Variants in PTPN4 observed in about 807,000 individuals in gnomAD.
The protein encoded by PTPN4 is protein tyrosine phosphatase non-receptor type 4, also known as tyrosine-protein phosphatase non-receptor type 4.
A neutral mutation model predicts 135.5 loss-of-function variants in PTPN4; 49 were observed. The observed-to-expected ratio is 0.36, with a 90% confidence interval of 0.29 to 0.46. The LOEUF (loss-of-function observed/expected upper bound fraction) is 0.46. PTPN4 is among the 20% of genes least tolerant of loss of function. PTPN4 has a pLI of 1.00. For synonymous variants in PTPN4, 333 were observed against 369.9 expected, an observed-to-expected ratio of 0.90 and a Z score of 1.14; for missense variants, 860 against 1,101.0, an observed-to-expected ratio of 0.78 and a Z score of 3.10.
intron 26 of PTPN4, among the ~76,000 whole-genome samples, chr2:119,968,577 G>A (rs1679478643): frequency 6.6e-6 from 1 of 152,156 alleles, no homozygotes; most frequent in Admixed American, 6.5e-5. Context: ...GGATCACGAG[G>A]TCAGGAGATC....
At chr2:119,773,939 A>G (rs1272128868) in intron 1 of PTPN4, among the ~76,000 whole-genome samples, 1 of 152,238 alleles carries the variant, frequency 6.6e-6, no homozygotes, top group Non-Finnish European at 1.5e-5. Flanking sequence ...ATGATGCAGT[A>G]TTAAATCAAC....
At chr2:119,939,441 C>T (rs1444694214) in intron 15 of PTPN4, among the ~76,000 whole-genome samples, 5 of 152,076 alleles carry the variant, frequency 3.3e-5, no homozygotes, top group African/African-American at 1.2e-4. Flanking sequence ...GCTGAGACTG[C>T]AGGAGCATGA....
chr2:119,823,665 C>T (rs144916625), intron 2 of PTPN4, among the ~76,000 whole-genome samples: 1 of 152,194 alleles, frequency 6.6e-6, no homozygotes, highest in African/African-American at 2.4e-5. Context: ...TTCCACAACT[C>T]AAATTCTGTG....
chr2:119,896,088 G>T (rs942856715), intron 9 of PTPN4, among the ~76,000 whole-genome samples: 2 of 152,172 alleles, frequency 1.3e-5, no homozygotes, highest in Non-Finnish European at 1.5e-5. Context: ...AGACAGGTAT[G>T]TATATCTTAC....
intron 19 of PTPN4, among the ~76,000 whole-genome samples, chr2:119,952,931 C>T (rs111537608): frequency 2.0e-5 from 3 of 152,230 alleles, no homozygotes; most frequent in South Asian, 2.1e-4. Flanking sequence ...ACTAAAAGTC[C>T]ATCTTTCTTC....
chr2:119,861,439 A>G (rs541473105), intron 2 of PTPN4, among the ~76,000 whole-genome samples: 1 of 152,348 alleles, frequency 6.6e-6, no homozygotes, highest in Admixed American at 6.5e-5. Context: ...TGTTGTATAT[A>G]AATGTAACGA....
chr2:119,951,913 T>C, intron 18 of PTPN4, 60 bp from the exon 19 acceptor site: 1 of 1,375,240 alleles, frequency 7.3e-7, no homozygotes, highest in Non-Finnish European at 9.7e-7. Flanking sequence ...AATAAATTCC[T>C]GTGCTCTACT....
intron 3 of PTPN4, among the ~76,000 whole-genome samples, chr2:119,862,998 A>G (rs1398659422): frequency 6.6e-6 from 1 of 152,116 alleles, no homozygotes; most frequent in Non-Finnish European, 1.5e-5. Flanking sequence ...AAGTAAAATT[A>G]GTTTTTTATT....
In PTPN4 at chr2:119,978,389, T is replaced by C. The variant is rs923835330; in HGVS notation, c.*1319T>C. ...GAAGAATGAAACATTATTGACTTAT[T>C]TCTAAGTGTAATAACTCAATAACTA... On this transcript the variant is annotated 3_prime_UTR_variant, in exon 27 of 27. Coordinates refer to ENST00000263708, the MANE Select transcript of PTPN4 (RefSeq NM_002830.4). The C allele has an allele frequency of 4.0e-5, 6 of 151,508 alleles. No individual in the cohort carries two copies. The highest frequency in any genetic ancestry group is 7.4e-5 in the Non-Finnish European group (5 of 67,912). The allele number at this position is 151,508 out of a possible 1,614,324, so 9.4% of individuals were successfully genotyped here. A position where few individuals can be genotyped will look rare whatever the true frequency, so the allele number is the denominator to read the frequency against.
At chr2:119,798,367 A>G (rs953581588) in intron 1 of PTPN4, among the ~76,000 whole-genome samples, 1 of 152,068 alleles carries the variant, frequency 6.6e-6, no homozygotes, top group Non-Finnish European at 1.5e-5. Flanking sequence ...GGGTTTCACC[A>G]TGTTGGCCAG....
intron 11 of PTPN4, among the ~76,000 whole-genome samples, chr2:119,919,413 A>G (rs1678704770): frequency 6.6e-6 from 1 of 152,246 alleles, no homozygotes; most frequent in Non-Finnish European, 1.5e-5. Flanking sequence ...CATTTAATTT[A>G]TGGCCTAGAA....
At chr2:119,905,125 A>G (rs1056384306) in intron 10 of PTPN4, among the ~76,000 whole-genome samples, 3 of 152,144 alleles carry the variant, frequency 2.0e-5, no homozygotes, top group Non-Finnish European at 4.4e-5. Context: ...AATTAGCAAA[A>G]TAACAAGAAT....
Position 119,885,827 on chromosome 2 carries a change from A to G in PTPN4, c.620A>G (p.Tyr207Cys). The G allele has an allele frequency of 6.2e-7, 1 of 1,603,608 alleles. No individual in the cohort carries two copies. The highest frequency in any genetic ancestry group is 8.5e-7 in the Non-Finnish European group (1 of 1,176,298). The change falls in exon 9 of 27, where the codon TAC becomes TGC. Residue 207 changes from tyrosine (Y) to cysteine (C), a missense_variant. Physicochemically the swap from Tyr to Cys is radical, Grantham distance 194 (BLOSUM62 -2). Around this residue, in one of 2 missense-constraint regions of PTPN4, gnomAD observed 684 missense variants for 807.0 expected, o/e 0.85. Transcript: ENST00000263708. ...GLSPAEAEFNYLNTARTLELY... is the reference protein window; with the variant it reads ...GLSPAEAEFNCLNTARTLELY... ...TCTCCTGCAGAAGCAGAATTTAATT[A>G]CCTAAACACAGCACGTACCTTAGAA...
At chr2:119,817,503 G>C (rs559737339) in intron 2 of PTPN4, among the ~76,000 whole-genome samples, 1 of 151,884 alleles carries the variant, frequency 6.6e-6, no homozygotes, top group Admixed American at 6.6e-5. Context: ...TGGGCTTTCT[G>C]TTCTGTTCCA....
intron 1 of PTPN4, among the ~76,000 whole-genome samples, chr2:119,771,144 G>A (rs1212154805): frequency 6.6e-6 from 1 of 152,200 alleles, no homozygotes; most frequent in African/African-American, 2.4e-5. Flanking sequence ...GGAGAGACCA[G>A]AAGGCCATGT....
intron 26 of PTPN4, among the ~76,000 whole-genome samples, chr2:119,970,787 C>T (rs922128039): frequency 1.3e-5 from 2 of 152,118 alleles, no homozygotes; most frequent in Non-Finnish European, 2.9e-5. Context: ...TGTGAACATA[C>T]GTTTTCATTT....
intron 2 of PTPN4, among the ~76,000 whole-genome samples, chr2:119,859,059 A>G (rs1169808750): frequency 1.3e-5 from 2 of 150,566 alleles, no homozygotes; most frequent in Non-Finnish European, 3.0e-5. Flanking sequence ...TTGTTATTGT[A>G]TTTTTCAGTT....
chr2:119,975,403 A>G (rs980332455), intron 26 of PTPN4, among the ~76,000 whole-genome samples: 1 of 152,198 alleles, frequency 6.6e-6, no homozygotes, highest in African/African-American at 2.4e-5. Context: ...GGCATGAGCC[A>G]CCATGGCCAG....
chr2:119,893,323 T>A (rs1397293741), intron 9 of PTPN4, among the ~76,000 whole-genome samples: 1 of 152,186 alleles, frequency 6.6e-6, no homozygotes, highest in Non-Finnish European at 1.5e-5. Flanking sequence ...AAGGATTTGG[T>A]AATTATTCCA....
Sources: gnomAD v4.1 joint callset for allele counts (sites outside exome capture counted in the v4.1 genomes callset) on GRCh38, gnomAD v4.1.1 for gene constraint, gnomAD v4.1.1 regional missense constraint, MANE v1.5 for transcripts, NCBI Gene and HGNC (gene_info 2026-07-23, HGNC 2026-07-21) for gene names.